The following RALGPS1 variants were observed in gnomAD, a reference collection of about 807,000 sequenced individuals.
The protein encoded by RALGPS1 is ras-specific guanine nucleotide-releasing factor RalGPS1.
In RALGPS1, 19 loss-of-function variants were observed where a neutral mutation model predicts 78.8. The ratio of observed to expected loss-of-function variants is 0.24; its 90% CI spans 0.17 to 0.35. RALGPS1 has a LOEUF of 0.35. Among genes scored for constraint, RALGPS1 ranks in the 10% least tolerant of loss-of-function variants. RALGPS1 has a pLI of 1.00. For synonymous variants in RALGPS1, 228 were observed against 256.3 expected (o/e 0.89, Z 1.06); for missense variants, 454 against 688.3 (o/e 0.66, Z 3.81).
At chr9:126,940,821 C>A (rs2036710919) in intron 1 of RALGPS1, among the ~76,000 whole-genome samples, 1 of 152,156 alleles carries the variant, frequency 6.6e-6, no homozygotes, top group Non-Finnish European at 1.5e-5. Flanking sequence ...CAGACCCGAA[C>A]CTGGGAACCG....
At chr9:127,037,006 A>G (rs927910826) in intron 5 of RALGPS1, among the ~76,000 whole-genome samples, 2 of 152,186 alleles carry the variant, frequency 1.3e-5, no homozygotes, top group East Asian at 1.9e-4. Flanking sequence ...TATCGCAACA[A>G]CTTATTAGCT....
At chr9:127,000,534 C>CTTTTTTTTTTTTTTTTTTTT (rs1163116649) in intron 4 of RALGPS1, among the ~76,000 whole-genome samples, 4 of 33,340 alleles carry the variant, frequency 1.2e-4, no homozygotes, top group African/African-American at 1.9e-4. Flanking sequence ...CTTGTCTTGT[C>CTTTTTTTTTTTTTTTTTTTT]TTTTTTTTTT....
At chr9:127,217,992 A>G (rs1396180835) in intron 18 of RALGPS1, among the ~76,000 whole-genome samples, 1 of 152,190 alleles carries the variant, frequency 6.6e-6, no homozygotes, top group African/African-American at 2.4e-5. Flanking sequence ...GACCATTCTT[A>G]TAACTGTCTC....
intron 1 of RALGPS1, among the ~76,000 whole-genome samples, chr9:126,936,771 C>T (rs1022607770): frequency 6.6e-6 from 1 of 151,858 alleles, no homozygotes; most frequent in East Asian, 1.9e-4. Flanking sequence ...CAGTGAAGTT[C>T]TCTAACCCAA....
intron 4 of RALGPS1, among the ~76,000 whole-genome samples, chr9:126,981,203 G>A (rs2041220266): frequency 6.6e-6 from 1 of 152,212 alleles, no homozygotes; most frequent in South Asian, 2.1e-4. Context: ...AGGAGTTATG[G>A]TGAGACCTGG....
chr9:127,087,146 G>T (rs1243077803), intron 8 of RALGPS1, among the ~76,000 whole-genome samples: 1 of 152,188 alleles, frequency 6.6e-6, no homozygotes, highest in Non-Finnish European at 1.5e-5. Context: ...TGGAGCTCCA[G>T]AGAGCCATCT....
Position 127,042,401 on chromosome 9 carries a change from AG to A in RALGPS1, c.301-7639del, listed in dbSNP as rs1245451703. ...AATGTAATCCACTGTACAATAGGCT[AG>A]GGTAGAAAAATCATATTATTATATC... On this transcript the variant is annotated intron_variant, in intron 5 of 18. Transcript: ENST00000259351. Among the ~76,000 whole-genome samples the A allele has an allele frequency of 5.3e-5, 8 of 152,318 alleles. No individual in the cohort carries two copies. In the East Asian group the frequency reaches 1.3e-3, roughly 26 times the overall value.
Position 127,178,128 on chromosome 9 carries a change from G to T in RALGPS1, c.910+3346G>T, listed in dbSNP as rs929027828. 1.7e-5 allele frequency: 15 copies of T among 901,210 alleles called. No homozygotes were observed. The African/African-American group carries it at 2.2e-4, about 13-fold the overall frequency. The allele number at this position is 901,210 out of a possible 1,614,324, so 55.8% of individuals were successfully genotyped here. ...CAGGGATGGCTGAGTTCTGGAGGAT[G>T]ATTGGCTGTGCAGGGTCTGTGGGCA... On this transcript the variant is annotated intron_variant, in intron 11 of 18. Coordinates refer to ENST00000259351, the MANE Select transcript of RALGPS1 (RefSeq NM_014636.3).
intron 5 of RALGPS1, among the ~76,000 whole-genome samples, chr9:127,042,066 A>T (rs2047366467): frequency 6.6e-6 from 1 of 152,222 alleles, no homozygotes; most frequent in African/African-American, 2.4e-5. Flanking sequence ...TAGATTTTTC[A>T]TAAGAAATAG....
At chr9:127,076,247 AT>A (rs2050671656) in intron 8 of RALGPS1, among the ~76,000 whole-genome samples, 1 of 152,308 alleles carries the variant, frequency 6.6e-6, no homozygotes, top group East Asian at 1.9e-4. Context: ...AGCTGTATTG[AT>A]TTAGGGGGTG....
At chr9:127,171,402 T>C (rs183806652) in intron 10 of RALGPS1, among the ~76,000 whole-genome samples, 1 of 152,358 alleles carries the variant, frequency 6.6e-6, no homozygotes, top group Non-Finnish European at 1.5e-5. Flanking sequence ...AATGCTGCTC[T>C]TTAAATATTT....
chr9:127,113,074 A>G (rs1009841282), intron 8 of RALGPS1, among the ~76,000 whole-genome samples: 1 of 152,154 alleles, frequency 6.6e-6, no homozygotes, highest in African/African-American at 2.4e-5. Context: ...GCCTAGGCTT[A>G]GTGGGGGTGA....
intron 8 of RALGPS1, among the ~76,000 whole-genome samples, chr9:127,089,865 C>G (rs1277825847): frequency 6.6e-6 from 1 of 152,198 alleles, no homozygotes; most frequent in Non-Finnish European, 1.5e-5. Flanking sequence ...CCACTATCTG[C>G]CAGCATTGCT....
chr9:127,107,122 G>A (rs965270179), intron 8 of RALGPS1: 2 of 152,228 alleles, frequency 1.3e-5, no homozygotes, highest in Non-Finnish European at 2.9e-5. Context: ...GCATAGAGAA[G>A]TCAGCCAGAG....
chr9:127,182,196 T>C (rs1380483506), intron 11 of RALGPS1, among the ~76,000 whole-genome samples: 4 of 150,238 alleles, frequency 2.7e-5, no homozygotes, highest in Non-Finnish European at 3.0e-5. Flanking sequence ...AAAAAAAAAA[T>C]TAGCAAGGCG....
chr9:127,088,710 T>C, intron 8 of RALGPS1: 1 of 590,488 alleles, frequency 1.7e-6, no homozygotes. Flanking sequence ...TCCTGTCCTG[T>C]CCTGGAGACA....
intron 4 of RALGPS1, among the ~76,000 whole-genome samples, chr9:126,981,740 G>T (rs2041262352): frequency 6.6e-6 from 1 of 152,164 alleles, no homozygotes; most frequent in Non-Finnish European, 1.5e-5. Context: ...TTATAACTTA[G>T]TCCATGATTA....
Position 127,221,039 on chromosome 9 carries a change from T to C in RALGPS1, c.*2270T>C, listed in dbSNP as rs2062760358. On this transcript the variant is annotated 3_prime_UTR_variant, in exon 19 of 19. Coordinates refer to ENST00000259351, the MANE Select transcript of RALGPS1 (RefSeq NM_014636.3). ...TAGCTCGGACTCTTGAAGAATCTCTTTAGATTTTGTTGGCAAAAGCCTTAT... is the reference window on the plus strand; with the variant it reads ...TAGCTCGGACTCTTGAAGAATCTCTCTAGATTTTGTTGGCAAAAGCCTTAT... 1 of 152,472 alleles carries C rather than the reference T, an allele frequency of 6.6e-6. No individual in the cohort carries two copies. Among genetic ancestry groups the C allele is most frequent in the African/African-American group, 2.4e-5 (1 of 41,472 alleles). 9.4% of individuals were successfully genotyped at this position (152,472 alleles called of 1,614,324 possible). A position where few individuals can be genotyped will look rare whatever the true frequency, so the allele number is the denominator to read the frequency against.
chr9:127,101,907 A>T (rs1376204026), intron 8 of RALGPS1, among the ~76,000 whole-genome samples: 1 of 151,580 alleles, frequency 6.6e-6, no homozygotes, highest in East Asian at 1.9e-4. Flanking sequence ...AAAGTAACTT[A>T]TTTTTTTTTA....
Sources: gnomAD v4.1 joint callset for allele counts (sites outside exome capture counted in the v4.1 genomes callset) on GRCh38, gnomAD v4.1.1 for gene constraint, MANE v1.5 for transcripts, NCBI Gene and HGNC (gene_info 2026-07-23, HGNC 2026-07-21) for gene names.